Variants in PLPP4 observed in about 807,000 individuals in gnomAD.
PLPP4 encodes the protein phospholipid phosphatase 4.
In PLPP4, 20 loss-of-function variants were observed where a neutral mutation model predicts 32.2. The ratio of observed to expected loss-of-function variants is 0.62; its 90% CI spans 0.44 to 0.90. PLPP4 has a LOEUF of 0.90. PLPP4 is among the 40% of genes least tolerant of loss of function. The pLI is 0.00. For missense variants in PLPP4, 257 were observed against 353.1 expected (o/e 0.73, Z 2.18); for synonymous variants, 127 against 133.0 (o/e 0.95, Z 0.31).
At chr10:120,518,765 A>AATG in intron 3 of PLPP4, 68 bp from the exon 4 acceptor site, 1 of 1,184,280 alleles carries the variant, frequency 8.4e-7, no homozygotes, top group Non-Finnish European at 1.3e-6. Context: ...TGATGATGAT[A>AATG]ATGATGATGA....
rs910162275 is a variant in PLPP4 at position 120,457,617 on chromosome 10, C to G, written c.56+256C>G. Among the ~76,000 whole-genome samples, 4 of 152,152 alleles carry G rather than the reference C, an allele frequency of 2.6e-5. 1 individual carries two copies. Among genetic ancestry groups the G allele is most frequent in the Non-Finnish European group, 2.9e-5 (2 of 68,030 alleles). Reference sequence around the variant, plus strand: ...GCTCCCGGGTCTCACCGGGCCCGCGCCTGTCGCCAGCCCCGCACCACCTGC... The same window carrying G: ...GCTCCCGGGTCTCACCGGGCCCGCGGCTGTCGCCAGCCCCGCACCACCTGC... On this transcript the variant is annotated intron_variant, in intron 1 of 6. Coordinates refer to ENST00000398250, the MANE Select transcript of PLPP4 (RefSeq NM_001030059.3).
intron 1 of PLPP4, among the ~76,000 whole-genome samples, chr10:120,467,023 A>G (rs1321845985): frequency 6.6e-6 from 1 of 152,224 alleles, no homozygotes; most frequent in African/African-American, 2.4e-5. Context: ...GAAATTTCCT[A>G]GGAGACATCT....
chr10:120,574,185 C>T (rs1564850307), intron 5 of PLPP4, among the ~76,000 whole-genome samples: 6 of 104,140 alleles, frequency 5.8e-5, no homozygotes, highest in Admixed American at 1.1e-4. Flanking sequence ...CTCTCTCTCT[C>T]TCTCTCTCTC....
chr10:120,505,807 C>T (rs1845464042), intron 2 of PLPP4, among the ~76,000 whole-genome samples: 1 of 152,036 alleles, frequency 6.6e-6, no homozygotes, highest in South Asian at 2.1e-4. Flanking sequence ...TTCTATAAAT[C>T]CTAGATATAA....
rs139179751 is a variant in PLPP4, at chr10:120,530,760, G to A, written c.445+9665G>A. On this transcript the variant is annotated intron_variant, in intron 5 of 6. Coordinates refer to ENST00000398250, the MANE Select transcript of PLPP4 (RefSeq NM_001030059.3). ...TTTTACTAAATGCTTGTGTCAGTTGGCATTCTCATGGGCAATCTATGAAAA... is the reference window on the plus strand; with the variant it reads ...TTTTACTAAATGCTTGTGTCAGTTGACATTCTCATGGGCAATCTATGAAAA... Among the ~76,000 whole-genome samples the A allele has an allele frequency of 3.3e-4, 50 of 152,238 alleles. No individual in the cohort carries two copies. In the East Asian group the frequency reaches 9.3e-3, roughly 28 times the overall value.
intron 5 of PLPP4, among the ~76,000 whole-genome samples, chr10:120,548,245 A>G (rs1446933186): frequency 6.6e-6 from 1 of 152,034 alleles, no homozygotes; most frequent in Non-Finnish European, 1.5e-5. Flanking sequence ...TCACCCTCAA[A>G]TAGGCCTCAG....
At chr10:120,512,740 G>A (rs571377088) in intron 2 of PLPP4, among the ~76,000 whole-genome samples, 69 of 152,302 alleles carry the variant, frequency 4.5e-4, no homozygotes, top group Non-Finnish European at 8.8e-4. Flanking sequence ...TTGAACCCGG[G>A]AGGTGGAGGT....
intron 6 of PLPP4, among the ~76,000 whole-genome samples, chr10:120,586,320 T>C (rs2134086474): frequency 6.8e-6 from 1 of 146,998 alleles, no homozygotes; most frequent in African/African-American, 2.5e-5. Context: ...TTTTTTGTAG[T>C]TTTAGTAGAG....
At chr10:120,570,276 A>G (rs142328021) in intron 5 of PLPP4, among the ~76,000 whole-genome samples, 5 of 151,940 alleles carry the variant, frequency 3.3e-5, no homozygotes, top group Non-Finnish European at 7.4e-5. Flanking sequence ...TTTTTTTCAA[A>G]TGGTCTTCTG....
intron 5 of PLPP4, among the ~76,000 whole-genome samples, chr10:120,543,549 C>T (rs1396447810): frequency 6.6e-6 from 1 of 152,104 alleles, no homozygotes; most frequent in African/African-American, 2.4e-5. Context: ...ATCTCTGCAG[C>T]CTTGTCCATG....
chr10:120,553,397 T>A (rs1564835973), intron 5 of PLPP4, among the ~76,000 whole-genome samples: 1 of 152,196 alleles, frequency 6.6e-6, no homozygotes, highest in Non-Finnish European at 1.5e-5. Context: ...TCTTGCCCCT[T>A]CCACCATGTG....
intron 1 of PLPP4, among the ~76,000 whole-genome samples, chr10:120,490,564 C>T (rs1844672692): frequency 6.6e-6 from 1 of 152,226 alleles, no homozygotes; most frequent in African/African-American, 2.4e-5. Context: ...TGCCCTCAGC[C>T]TCTCTTCTAA....
chr10:120,458,931 G>A (rs764625739), intron 1 of PLPP4, among the ~76,000 whole-genome samples: 9 of 152,194 alleles, frequency 5.9e-5, no homozygotes, highest in Non-Finnish European at 1.2e-4. Context: ...GAAGAATGCT[G>A]AGATAAAGTG....
intron 1 of PLPP4, among the ~76,000 whole-genome samples, chr10:120,462,699 C>A (rs141072784): frequency 6.6e-6 from 1 of 152,160 alleles, no homozygotes; most frequent in Admixed American, 6.5e-5. Context: ...CAGGATTACA[C>A]GGGGCCCAGG....
chr10:120,539,213 C>T (rs1355564291), intron 5 of PLPP4, among the ~76,000 whole-genome samples: 1 of 152,162 alleles, frequency 6.6e-6, no homozygotes, highest in Non-Finnish European at 1.5e-5. Context: ...ACTGGAAGTG[C>T]AGGGAGCAGA....
intron 5 of PLPP4, among the ~76,000 whole-genome samples, chr10:120,537,288 C>T (rs1320040513): frequency 2.6e-5 from 4 of 152,092 alleles, no homozygotes; most frequent in African/African-American, 4.8e-5. Flanking sequence ...TGGAAACACC[C>T]TGTCAATGGA....
intron 3 of PLPP4, among the ~76,000 whole-genome samples, chr10:120,514,923 G>T (rs1052105044): frequency 1.3e-5 from 2 of 152,194 alleles, no homozygotes. Context: ...CTTCACTTAA[G>T]GGTATGTTTG....
chr10:120,519,223 A>G (rs1443045403), intron 4 of PLPP4, among the ~76,000 whole-genome samples: 1 of 152,098 alleles, frequency 6.6e-6, no homozygotes, highest in Non-Finnish European at 1.5e-5. Context: ...GCCTCTAATA[A>G]GTAGGATTAC....
intron 5 of PLPP4, among the ~76,000 whole-genome samples, chr10:120,567,686 T>G (rs189423227): frequency 1.3e-5 from 2 of 152,062 alleles, no homozygotes; most frequent in Admixed American, 6.5e-5. Flanking sequence ...TTGTTTGTTT[T>G]TTTGATAAAG....
Sources: gnomAD v4.1 joint callset for allele counts (sites outside exome capture counted in the v4.1 genomes callset) on GRCh38, gnomAD v4.1.1 for gene constraint, MANE v1.5 for transcripts, NCBI Gene and HGNC (gene_info 2026-07-23, HGNC 2026-07-21) for gene names.